ADARB2: variants seen among roughly 807,000 people sequenced by gnomAD.
The protein encoded by ADARB2 is inactive double-stranded RNA-specific editase B2.
Under a neutral mutation model 62.2 loss-of-function variants are expected in ADARB2, and 25 were observed. The observed-to-expected ratio is 0.40, with a 90% CI of 0.29 to 0.56. The LOEUF (loss-of-function observed/expected upper bound fraction) is 0.56, where lower values mean the gene tolerates loss of function less well. ADARB2 is among the 20% of genes least tolerant of loss of function. ADARB2 has a pLI of 0.43. For missense variants in ADARB2, 1,071 were observed against 1,077.4 expected (o/e 0.99, Z 0.08); for synonymous variants, 572 against 500.8 (o/e 1.14, Z -1.90).
chr10:1,315,980 G>A (rs1831735823), intron 3 of ADARB2, among the ~76,000 whole-genome samples: 1 of 152,142 alleles, frequency 6.6e-6, no homozygotes, highest in Admixed American at 6.5e-5. Context: ...AGCATTAAGG[G>A]TATAATTACC....
intron 1 of ADARB2, among the ~76,000 whole-genome samples, chr10:1,582,958 C>G (rs976384450): frequency 5.9e-5 from 9 of 152,222 alleles, no homozygotes; most frequent in African/African-American, 2.2e-4. Flanking sequence ...CTTGGAAAGC[C>G]CTCCCTGGTG....
intron 1 of ADARB2, among the ~76,000 whole-genome samples, chr10:1,644,965 A>C (rs1301476875): frequency 6.6e-6 from 1 of 152,230 alleles, no homozygotes; most frequent in Non-Finnish European, 1.5e-5. Flanking sequence ...CAAACACACA[A>C]AAAAGAGGTC....
chr10:1,575,784 G>A (rs1464334604), intron 1 of ADARB2, among the ~76,000 whole-genome samples: 1 of 152,214 alleles, frequency 6.6e-6, no homozygotes, highest in Non-Finnish European at 1.5e-5. Context: ...CTGGCGGTTT[G>A]GCTCTGGCCT....
chr10:1,423,716 G>A (rs1011947260), intron 1 of ADARB2, among the ~76,000 whole-genome samples: 2 of 152,054 alleles, frequency 1.3e-5, no homozygotes, highest in Non-Finnish European at 2.9e-5. Flanking sequence ...GGTCCACTAT[G>A]TATGCAGTAA....
intron 1 of ADARB2, among the ~76,000 whole-genome samples, chr10:1,554,610 C>T (rs184998398): frequency 6.6e-6 from 1 of 152,286 alleles, no homozygotes; most frequent in Admixed American, 6.5e-5. Flanking sequence ...CCACAGCCCC[C>T]AACGGTACTT....
At chr10:1,317,989 C>A (rs1831756167) in intron 3 of ADARB2, among the ~76,000 whole-genome samples, 1 of 152,196 alleles carries the variant, frequency 6.6e-6, no homozygotes, top group Non-Finnish European at 1.5e-5. Flanking sequence ...AACTGCTGGA[C>A]CCTGATCTAT....
chr10:1,366,024 A>G (rs563418757), intron 2 of ADARB2, among the ~76,000 whole-genome samples: 2 of 152,304 alleles, frequency 1.3e-5, no homozygotes, highest in South Asian at 4.2e-4. Context: ...AACCCATAGG[A>G]TAGGATATTA....
chr10:1,363,079 G>A lies in ADARB2; in HGVS notation c.1026C>T (p.Ile342=), dbSNP rs1832275943. Residue 342 remains isoleucine, a synonymous_variant, in exon 3 of 10, where the codon ATC becomes ATT. Transcript: ENST00000381312. The part of the protein sequence containing the change: ...AQAALQELFD[I]QMPGHAPGRA... Reference sequence around the variant, plus strand: ...TGCCGGGCGCGTGGCCGGGCATCTGGATGTCGAACAGCTCCTGCAGTGCGG... The same window carrying A: ...TGCCGGGCGCGTGGCCGGGCATCTGAATGTCGAACAGCTCCTGCAGTGCGG... 3 of 1,473,744 alleles carry A rather than the reference G, an allele frequency of 2.0e-6. No individual in the cohort carries two copies. Among genetic ancestry groups the A allele is most frequent in the Non-Finnish European group, 2.7e-6 (3 of 1,117,096 alleles). The allele number at this position is 1,473,744 out of a possible 1,614,324, so 91.3% of individuals were successfully genotyped here. A position where few individuals can be genotyped will look rare whatever the true frequency, so the allele number is the denominator to read the frequency against.
At chr10:1,617,075 T>C in intron 1 of ADARB2, among the ~76,000 whole-genome samples, 1 of 147,602 alleles carries the variant, frequency 6.8e-6, no homozygotes, top group Non-Finnish European at 1.5e-5. Flanking sequence ...CTCAGAGGGT[T>C]ACATTCTGTC....
At chr10:1,347,135 G>T (rs1036009456) in intron 3 of ADARB2, among the ~76,000 whole-genome samples, 1 of 152,214 alleles carries the variant, frequency 6.6e-6, no homozygotes, top group African/African-American at 2.4e-5. Flanking sequence ...CTTCGGTTCT[G>T]CTCTGACTTC....
intron 3 of ADARB2, among the ~76,000 whole-genome samples, chr10:1,358,514 C>T (rs1020027028): frequency 1.1e-4 from 17 of 152,292 alleles, no homozygotes; most frequent in East Asian, 1.9e-4. Context: ...GTGCCTTTTC[C>T]GCTGCCCAGG....
intron 1 of ADARB2, among the ~76,000 whole-genome samples, chr10:1,566,181 C>G (rs1215407547): frequency 1.3e-5 from 2 of 149,610 alleles, no homozygotes; most frequent in Admixed American, 1.3e-4. Flanking sequence ...AGATGGTTTA[C>G]TTCCTGTGAA....
intron 3 of ADARB2, among the ~76,000 whole-genome samples, chr10:1,310,726 A>C (rs1831682202): frequency 6.6e-6 from 1 of 151,860 alleles, no homozygotes. Flanking sequence ...AGAGGGGAGG[A>C]GGCTCTCCAG....
At chr10:1,627,393 A>AT (rs999716228) in intron 1 of ADARB2, among the ~76,000 whole-genome samples, 14 of 151,812 alleles carry the variant, frequency 9.2e-5, no homozygotes, top group African/African-American at 3.1e-4. Flanking sequence ...TTCTATCTTA[A>AT]TTTTTTTTCT....
chr10:1,208,463 C>G (rs1400155275), intron 7 of ADARB2, among the ~76,000 whole-genome samples: 1 of 152,194 alleles, frequency 6.6e-6, no homozygotes, highest in East Asian at 1.9e-4. Context: ...GTCCCTGGCC[C>G]CAGCACTCAG....
intron 3 of ADARB2, among the ~76,000 whole-genome samples, chr10:1,337,364 C>T (rs1171846685): frequency 6.6e-6 from 1 of 152,142 alleles, no homozygotes; most frequent in African/African-American, 2.4e-5. Context: ...AGATGGCAGG[C>T]TGGGCTCAAC....
At chr10:1,584,607 T>G (rs1833150683) in intron 1 of ADARB2, among the ~76,000 whole-genome samples, 1 of 152,188 alleles carries the variant, frequency 6.6e-6, no homozygotes, top group East Asian at 1.9e-4. Context: ...TCAAAGGAGT[T>G]TAAAACTTAT....
intron 1 of ADARB2, among the ~76,000 whole-genome samples, chr10:1,528,471 G>A (rs1433537183): frequency 6.6e-6 from 1 of 152,226 alleles, no homozygotes; most frequent in African/African-American, 2.4e-5. Context: ...ATGCGCCAAA[G>A]TACTGCTGAT....
At chr10:1,406,724 G>A (rs1043046398) in intron 1 of ADARB2, among the ~76,000 whole-genome samples, 2 of 152,244 alleles carry the variant, frequency 1.3e-5, no homozygotes, top group Non-Finnish European at 2.9e-5. Context: ...GAGTGCCAGG[G>A]TGGATCTGGG....
Sources: allele counts gnomAD v4.1 joint callset (sites outside exome capture counted in the v4.1 genomes callset), GRCh38; gene constraint gnomAD v4.1.1; transcripts MANE v1.5; gene names NCBI Gene and HGNC (gene_info 2026-07-23, HGNC 2026-07-21).